CNBD1: variants seen among roughly 807,000 people sequenced by gnomAD.
The protein encoded by CNBD1 is cyclic nucleotide-binding domain-containing protein 1.
A neutral mutation model predicts 54.4 loss-of-function variants in CNBD1; 71 were observed. The ratio of observed to expected loss-of-function variants is 1.30; its 90% confidence interval spans 1.08 to 1.59. The LOEUF (loss-of-function observed/expected upper bound fraction) is 1.59, where lower values mean the gene tolerates loss of function less well. Among genes scored for constraint, CNBD1 ranks in the 40% most tolerant of loss-of-function variants. The pLI, the probability that CNBD1 is intolerant of heterozygous loss-of-function variation, is 0.00. For missense variants in CNBD1, 659 were observed against 518.0 expected, an observed-to-expected ratio of 1.27 and a Z score of -2.64; for synonymous variants, 182 against 170.7, an observed-to-expected ratio of 1.07 and a Z score of -0.51.
intron 2 of CNBD1, among the ~76,000 whole-genome samples, chr8:87,406,624 C>T (rs911104698): frequency 2.6e-5 from 4 of 151,852 alleles, no homozygotes; most frequent in Non-Finnish European, 5.9e-5. Context: ...GGACTACAGG[C>T]GTGTGCCACC....
intron 8 of CNBD1, among the ~76,000 whole-genome samples, chr8:87,298,597 G>C (rs1261670458): frequency 6.7e-6 from 1 of 150,334 alleles, no homozygotes; most frequent in Non-Finnish European, 1.5e-5. Flanking sequence ...TCATTATCCT[G>C]CTTCAGCCTC....
intron 4 of CNBD1, among the ~76,000 whole-genome samples, chr8:86,969,745 A>C (rs1175992442): frequency 6.6e-6 from 1 of 150,410 alleles, no homozygotes; most frequent in Non-Finnish European, 1.5e-5. Flanking sequence ...CAGTCATCTA[A>C]ATTTTTTTCT....
intron 10 of CNBD1, among the ~76,000 whole-genome samples, chr8:87,361,990 C>T (rs1227777526): frequency 3.9e-5 from 6 of 152,010 alleles, no homozygotes; most frequent in Admixed American, 2.6e-4. Flanking sequence ...ACTTTTAATT[C>T]CACTATCCTG....
chr8:87,406,479 C>CACACACT (rs1462159200), intron 2 of CNBD1, among the ~76,000 whole-genome samples: 1 of 82,726 alleles, frequency 1.2e-5, no homozygotes, highest in African/African-American at 5.4e-5. Context: ...CACACACACA[C>CACACACT]TTTTTTTTTT....
chr8:87,391,434 C>G (rs1347015670), intron 2 of CNBD1, among the ~76,000 whole-genome samples: 1 of 151,916 alleles, frequency 6.6e-6, no homozygotes, highest in Non-Finnish European at 1.5e-5. Context: ...ACAAAGCGGA[C>G]AGACATACAC....
chr8:86,940,997 G>A (rs576603328), intron 4 of CNBD1, among the ~76,000 whole-genome samples: 2 of 152,310 alleles, frequency 1.3e-5, no homozygotes, highest in Middle Eastern at 6.8e-3. Context: ...TGTACTCTAT[G>A]ATGTTTACAG....
chr8:87,123,612 A>T (rs530357321), intron 4 of CNBD1, among the ~76,000 whole-genome samples: 1 of 151,836 alleles, frequency 6.6e-6, no homozygotes, highest in African/African-American at 2.4e-5. Context: ...AGGAAACTAG[A>T]AAAAGATGAA....
chr8:87,117,946 G>A (rs756508008), intron 4 of CNBD1, among the ~76,000 whole-genome samples: 1 of 152,086 alleles, frequency 6.6e-6, no homozygotes, highest in African/African-American at 2.4e-5. Flanking sequence ...TTCTGCCCTA[G>A]TGGTATTTAT....
intron 4 of CNBD1, among the ~76,000 whole-genome samples, chr8:87,130,415 G>A (rs999310574): frequency 6.6e-6 from 1 of 152,104 alleles, no homozygotes; most frequent in South Asian, 2.1e-4. Flanking sequence ...TTTCAGCCAA[G>A]TCATAGTGGA....
chr8:87,226,378 A>T lies in CNBD1; in HGVS notation c.578-10541A>T, dbSNP rs1314406801. Among the ~76,000 whole-genome samples, 3 of 150,310 alleles carry T rather than the reference A, an allele frequency of 2.0e-5. 1 individual carries two copies. The highest frequency in any genetic ancestry group is 7.5e-5 in the African/African-American group (3 of 39,956). The stretch of plus-strand genomic sequence containing the variant: ...TTCCTGCTTTCTCTTGTGAGCATTT[A>T]GTGCTATAAATTTCCCTCTACACAC... On this transcript the variant is annotated intron_variant, in intron 5 of 10. Transcript: ENST00000518476.
At chr8:87,291,135 T>A (rs1221769687) in intron 8 of CNBD1, among the ~76,000 whole-genome samples, 1 of 152,196 alleles carries the variant, frequency 6.6e-6, no homozygotes, top group East Asian at 1.9e-4. Context: ...AAATCTTTAA[T>A]GTAGTTTGAA....
intron 5 of CNBD1, among the ~76,000 whole-genome samples, chr8:87,224,573 G>T (rs1814432561): frequency 6.6e-6 from 1 of 151,326 alleles, no homozygotes; most frequent in African/African-American, 2.5e-5. Flanking sequence ...TGTTATTTCT[G>T]AGGGCTCTGT....
At chr8:86,912,643 ATATTATT>A (rs1380786205) in intron 3 of CNBD1, among the ~76,000 whole-genome samples, 5 of 152,168 alleles carry the variant, frequency 3.3e-5, no homozygotes, top group Non-Finnish European at 5.9e-5. Context: ...ACTAAAGACT[ATATTATT>A]TATGTATTTA....
chr8:87,286,505 T>A, intron 7 of CNBD1, 34 bp from the exon 8 acceptor site: 2 of 1,227,124 alleles, frequency 1.6e-6, no homozygotes, highest in Non-Finnish European at 2.3e-6. Context: ...AAATTGCCTG[T>A]TATTAAAAAT....
intron 4 of CNBD1, among the ~76,000 whole-genome samples, chr8:86,980,255 G>T (rs1439826976): frequency 5.3e-5 from 8 of 152,202 alleles, no homozygotes; most frequent in Admixed American, 4.6e-4. Context: ...TCCTTGACTG[G>T]GAGAAGTATT....
chr8:86,946,914 A>G (rs1333592640), intron 4 of CNBD1, among the ~76,000 whole-genome samples: 1 of 152,168 alleles, frequency 6.6e-6, no homozygotes, highest in Non-Finnish European at 1.5e-5. Context: ...ACTTAGTTTC[A>G]CATACATGCA....
intron 4 of CNBD1, among the ~76,000 whole-genome samples, chr8:87,035,605 G>T (rs538191545): frequency 5.3e-5 from 8 of 152,260 alleles, no homozygotes; most frequent in Admixed American, 2.6e-4. Context: ...CTCTATTAAT[G>T]CTGTCTTCTT....
At chr8:87,167,374 T>C (rs766633414) in intron 4 of CNBD1, among the ~76,000 whole-genome samples, 76 of 152,006 alleles carry the variant, frequency 5.0e-4, no homozygotes, top group African/African-American at 1.8e-3. Context: ...TAAATTGTTA[T>C]GATCATCCTT....
rs1003538900 is a variant in CNBD1 at position 87,419,206 on chromosome 8, G to A, written c.214-9340G>A. Among the ~76,000 whole-genome samples, 4 of 151,946 alleles carry A rather than the reference G, an allele frequency of 2.6e-5. No individual in the cohort carries two copies. The South Asian group carries it at 6.2e-4, about 24-fold the overall frequency. ...ATTCACAAAAAGCTACATATTGTAC[G>A]ACTGCATTTGTGTAACATGTCTAGA... is the stretch of plus-strand genomic sequence containing the variant. On this transcript the variant is annotated intron_variant, in intron 2 of 7. Transcript: ENST00000521593.
Sources: gnomAD v4.1 joint callset for allele counts (sites outside exome capture counted in the v4.1 genomes callset) on GRCh38, gnomAD v4.1.1 for gene constraint, MANE v1.5 for transcripts, NCBI Gene and HGNC (gene_info 2026-07-23, HGNC 2026-07-21) for gene names.